ROBO2: variants seen among roughly 807,000 people sequenced by gnomAD.
ROBO2 encodes roundabout homolog 2.
A neutral mutation model predicts 160.8 loss-of-function variants in ROBO2; 53 were observed. The ratio of observed to expected loss-of-function variants is 0.33; its 90% confidence interval spans 0.26 to 0.41. The LOEUF (loss-of-function observed/expected upper bound fraction) is 0.41. ROBO2 is among the 10% of genes least tolerant of loss of function. The probability of loss-of-function intolerance (pLI) is 1.00; values close to 1 mark genes in which losing one functional copy is unlikely to be tolerated. For missense variants in ROBO2, 1,577 were observed against 1,722.4 expected, an observed-to-expected ratio of 0.92 and a Z score of 1.49; for synonymous variants, 664 against 611.7, an observed-to-expected ratio of 1.09 and a Z score of -1.26.
intron 2 of ROBO2, among the ~76,000 whole-genome samples, chr3:77,276,290 C>T (rs907944139): frequency 6.6e-6 from 1 of 152,024 alleles, no homozygotes; most frequent in Non-Finnish European, 1.5e-5. Context: ...TCCATTACTG[C>T]CCCTTAAAGG....
chr3:77,643,892 A>C (rs1315720522), intron 24 of ROBO2, among the ~76,000 whole-genome samples: 1 of 152,182 alleles, frequency 6.6e-6, no homozygotes, highest in Non-Finnish European at 1.5e-5. Flanking sequence ...TGTGAGAGAA[A>C]AATCATGTGG....
At chr3:76,373,661 A>G (rs2076209344) in intron 2 of ROBO2, among the ~76,000 whole-genome samples, 1 of 151,968 alleles carries the variant, frequency 6.6e-6, no homozygotes, top group Non-Finnish European at 1.5e-5. Context: ...CCATAAATAA[A>G]TTGGTGCTCA....
intron 2 of ROBO2, among the ~76,000 whole-genome samples, chr3:76,561,403 C>G (rs1018048301): frequency 1.7e-4 from 26 of 152,096 alleles, no homozygotes; most frequent in Admixed American, 3.3e-4. Flanking sequence ...GTTTATATAA[C>G]TTTCAGGAAA....
In ROBO2 at chr3:77,580,009, G is replaced by A. The variant is rs772512866; in HGVS notation, c.2391G>A (p.Arg797=). Residue 797 remains arginine (R), a synonymous_variant, in exon 16 of 26, where the codon CGG becomes CGA. Transcript: ENST00000461745. ...ACAAAACTGTGGATGCAGCCATTCG[G>A]TCCGTAATAATTGGTGGATTATTCC... is the stretch of plus-strand genomic sequence containing the variant. 1.9e-6 allele frequency: 3 copies of A among 1,613,786 alleles called. No individual in the cohort carries two copies. In the Admixed American group the frequency reaches 5.0e-5, roughly 27 times the overall value.
chr3:75,929,928 C>T (rs1947462813), intron 1 of ROBO2, among the ~76,000 whole-genome samples: 4 of 152,180 alleles, frequency 2.6e-5, no homozygotes, highest in Admixed American at 2.0e-4. Context: ...CTCCTGACCT[C>T]AGGTGATCTG....
intron 2 of ROBO2, among the ~76,000 whole-genome samples, chr3:76,130,930 T>A (rs1460649888): frequency 6.6e-6 from 1 of 152,266 alleles, no homozygotes; most frequent in African/African-American, 2.4e-5. Context: ...GTATTAAATG[T>A]TTCCCTCATT....
intron 2 of ROBO2, among the ~76,000 whole-genome samples, chr3:76,118,056 A>T (rs1014851915): frequency 1.2e-4 from 19 of 152,258 alleles, no homozygotes; most frequent in African/African-American, 4.6e-4. Flanking sequence ...TGACGAGTTA[A>T]TGGGTGCAGC....
In ROBO2 at chr3:77,568,389, T is replaced by C. The variant is rs772003433; in HGVS notation, c.1926T>C (p.His642=). ...TAGGAGATGTCCTTGTCCGTCTTCATAATCCAGTTGTGCTGACTCCCACCA... is the reference window on the plus strand; with the variant it reads ...TAGGAGATGTCCTTGTCCGTCTTCACAATCCAGTTGTGCTGACTCCCACCA... Residue 642 remains histidine, a synonymous_variant, in exon 13 of 26, where the codon CAT becomes CAC. Transcript: ENST00000461745. 1.5e-4 allele frequency: 247 copies of C among 1,613,070 alleles called. No individual in the cohort carries two copies. The highest frequency in any genetic ancestry group is 1.9e-4 in the Non-Finnish European group (228 of 1,179,348).
chr3:76,085,942 T>C (rs185612215), intron 2 of ROBO2, among the ~76,000 whole-genome samples: 121 of 152,258 alleles, frequency 7.9e-4, no homozygotes, highest in Admixed American at 3.9e-3. Flanking sequence ...ATGAACCAAT[T>C]TGAAATACAA....
At chr3:77,046,644 A>T (rs2064699216) in intron 1 of ROBO2, among the ~76,000 whole-genome samples, 1 of 152,158 alleles carries the variant, frequency 6.6e-6, no homozygotes, top group African/African-American at 2.4e-5. Context: ...GGGATGCTTC[A>T]TCTCTGTACC....
intron 2 of ROBO2, among the ~76,000 whole-genome samples, chr3:76,643,918 C>A (rs1473466716): frequency 6.6e-6 from 1 of 151,916 alleles, no homozygotes; most frequent in Non-Finnish European, 1.5e-5. Flanking sequence ...CTGTGGAGAA[C>A]TATGATTTAT....
At chr3:76,026,280 G>T (rs1311546960) in intron 2 of ROBO2, among the ~76,000 whole-genome samples, 1 of 151,684 alleles carries the variant, frequency 6.6e-6, no homozygotes, top group African/African-American at 2.4e-5. Context: ...TCTATTTTTG[G>T]TCTATGCAAG....
At chr3:77,134,801 A>G (rs978888326) in intron 2 of ROBO2, among the ~76,000 whole-genome samples, 9 of 152,212 alleles carry the variant, frequency 5.9e-5, no homozygotes, top group African/African-American at 2.2e-4. Flanking sequence ...TTCCCTCCCT[A>G]CATAATCAAA....
chr3:76,631,371 A>G (rs1054129626), intron 2 of ROBO2, among the ~76,000 whole-genome samples: 6 of 152,100 alleles, frequency 3.9e-5, no homozygotes. Flanking sequence ...TCTGGTAAAG[A>G]TTCCCTTGCT....
chr3:76,908,698 C>A (rs2075776076), intron 2 of ROBO2, among the ~76,000 whole-genome samples: 1 of 152,136 alleles, frequency 6.6e-6, no homozygotes, highest in Non-Finnish European at 1.5e-5. Context: ...AGAGAAATCA[C>A]AAGTACAAGT....
At chr3:77,221,531 T>C (rs1407112079) in intron 2 of ROBO2, among the ~76,000 whole-genome samples, 2 of 152,160 alleles carry the variant, frequency 1.3e-5, no homozygotes, top group African/African-American at 4.8e-5. Flanking sequence ...ATATTTGTTG[T>C]CCGCCCCCTC....
At chr3:76,106,770 TG>T (rs1297206492) in intron 2 of ROBO2, among the ~76,000 whole-genome samples, 1 of 152,128 alleles carries the variant, frequency 6.6e-6, no homozygotes, top group Non-Finnish European at 1.5e-5. Context: ...TTATTTGTAA[TG>T]ATATTTGATT....
intron 2 of ROBO2, among the ~76,000 whole-genome samples, chr3:77,473,438 C>CTTT (rs1431554427): frequency 1.0e-5 from 1 of 98,002 alleles, no homozygotes; most frequent in Non-Finnish European, 2.1e-5. Context: ...TTACAAACTG[C>CTTT]TCTTTTTTTT....
At chr3:77,080,414 G>A (rs563121429) in intron 1 of ROBO2, among the ~76,000 whole-genome samples, 4 of 152,238 alleles carry the variant, frequency 2.6e-5, no homozygotes, top group Admixed American at 1.3e-4. Context: ...GATATAAATC[G>A]AATTGAGTCA....
Sources: allele counts gnomAD v4.1 joint callset (sites outside exome capture counted in the v4.1 genomes callset), GRCh38; gene constraint gnomAD v4.1.1; transcripts MANE v1.5; gene names NCBI Gene and HGNC (gene_info 2026-07-23, HGNC 2026-07-21).